The following MED12L variants were observed in gnomAD, a reference collection of about 807,000 sequenced individuals.
MED12L encodes mediator of RNA polymerase II transcription subunit 12-like protein.
Under a neutral mutation model 281.3 loss-of-function variants are expected in MED12L, and 60 were observed. That is an observed-to-expected ratio of 0.21 (90% CI 0.17 to 0.26). The LOEUF is 0.26. MED12L is among the 10% of genes least tolerant of loss of function. The probability of loss-of-function intolerance (pLI) is 1.00; values close to 1 mark genes in which losing one functional copy is unlikely to be tolerated. For missense variants in MED12L, 2,146 were observed against 2,680.9 expected, an observed-to-expected ratio of 0.80 and a Z score of 4.41; for synonymous variants, 974 against 987.2, an observed-to-expected ratio of 0.99 and a Z score of 0.25.
At chr3:151,116,064 C>CAAAAAAA (rs59017489) in intron 2 of MED12L, among the ~76,000 whole-genome samples, 1 of 92,268 alleles carries the variant, frequency 1.1e-5, no homozygotes, top group Non-Finnish European at 2.1e-5. Context: ...ACTCCATCTC[C>CAAAAAAA]AAAAAAAAAA....
At chr3:151,163,844 TG>T in intron 8 of MED12L, 48 bp from the exon 9 acceptor site, 9 of 1,577,906 alleles carry the variant, frequency 5.7e-6, no homozygotes, top group Admixed American at 5.2e-5. Flanking sequence ...GCTATTGTTA[TG>T]CTTTTCTCCT....
At chr3:151,374,349 AC>A (rs199922730) in intron 27 of MED12L, among the ~76,000 whole-genome samples, 2,570 of 152,244 alleles carry the variant, frequency 0.017, 157 homozygotes, top group East Asian at 0.13. Context: ...GGAGTTTGAG[AC>A]CAGCCTGGCC....
chr3:151,107,087 C>T, intron 2 of MED12L, among the ~76,000 whole-genome samples: 1 of 110,270 alleles, frequency 9.1e-6, no homozygotes, highest in Non-Finnish European at 1.7e-5. Flanking sequence ...TTTCTGTGTC[C>T]CCAGCTTTTT....
chr3:151,298,476 A>G (rs551926407), intron 16 of MED12L, among the ~76,000 whole-genome samples: 1 of 152,206 alleles, frequency 6.6e-6, no homozygotes, highest in African/African-American at 2.4e-5. Context: ...CTTGTTTACT[A>G]GGGTGGTATT....
In MED12L at chr3:151,411,482, C is replaced by T. The variant is rs533575012; in HGVS notation, c.6115C>T (p.Leu2039=). The T allele has an allele frequency of 1.6e-5, 26 of 1,614,202 alleles. No individual in the cohort carries two copies. The highest frequency in any genetic ancestry group is 1.6e-4 in the Middle Eastern group (1 of 6,062). The change falls in exon 41 of 45, where the codon CTG becomes TTG. Residue 2039 remains leucine (L), a synonymous_variant. Coordinates refer to ENST00000687756, the MANE Select transcript of MED12L (RefSeq NM_001393769.1). ...TGTTCAGCAGCAGGCCTCGCCGTAC[C>T]TGCAGCCCCTGACTGGCTCTCAGAG... ...GYVQQQASPY[L]QPLTGSQRLN...
intron 16 of MED12L, among the ~76,000 whole-genome samples, chr3:151,268,888 G>A (rs1042752651): frequency 3.3e-5 from 5 of 152,278 alleles, no homozygotes; most frequent in African/African-American, 1.2e-4. Context: ...GTTGGTTTTA[G>A]TATGCAAAAT....
At chr3:151,254,892 CTG>C (rs1369819478) in intron 16 of MED12L, among the ~76,000 whole-genome samples, 8 of 152,188 alleles carry the variant, frequency 5.3e-5, no homozygotes, top group African/African-American at 1.9e-4. Context: ...ACTTCCAAAA[CTG>C]TGTTTTTCAT....
In MED12L at chr3:151,206,552, G is replaced by A. The variant is rs142261903; in HGVS notation, c.2250+12886G>A. 2.1e-3 allele frequency among the ~76,000 whole-genome samples: 307 copies of A among 143,784 alleles called. 2 individuals carry two copies. The highest frequency in any genetic ancestry group is 7.9e-3 in the African/African-American group (303 of 38,558). 94.3% of individuals were successfully genotyped at this position (143,784 alleles called of 152,430 possible). ...ATAAAGAACTTTTAAAGATTATCTC[G>A]TTTCTTTTTAGTCACTGAATTTCAT... On this transcript the variant is annotated intron_variant, in intron 16 of 44. Transcript: ENST00000687756.
rs1336775562 is a variant in MED12L at position 151,167,082 on chromosome 3, T to TA, written c.1494+1107dup. ...GTTGATTTAAATCTTAATCACATCTTAAAAAAATCTTTTTAGCAACAACTA... is the reference window on the plus strand; with the variant it reads ...GTTGATTTAAATCTTAATCACATCTTAAAAAAAATCTTTTTAGCAACAACTA... On this transcript the variant is annotated intron_variant, in intron 11 of 44. Coordinates refer to ENST00000687756, the MANE Select transcript of MED12L (RefSeq NM_001393769.1). 3.3e-5 allele frequency among the ~76,000 whole-genome samples: 5 copies of TA among 152,292 alleles called. No homozygotes were observed. In the East Asian group the frequency reaches 5.8e-4, roughly 18 times the overall value.
chr3:151,205,566 A>G (rs1057047471), intron 16 of MED12L, among the ~76,000 whole-genome samples: 4 of 152,194 alleles, frequency 2.6e-5, no homozygotes, highest in African/African-American at 9.7e-5. Flanking sequence ...CTAATGAGGA[A>G]GGGGAAAGCA....
chr3:151,358,570 T>G (rs1754219784), intron 20 of MED12L, among the ~76,000 whole-genome samples: 1 of 149,810 alleles, frequency 6.7e-6, no homozygotes, highest in Admixed American at 6.7e-5. Context: ...AGTTTTTTTG[T>G]TTTTGTTTTT....
At chr3:151,390,625 T>C (rs1376625526) in intron 38 of MED12L, among the ~76,000 whole-genome samples, 1 of 152,210 alleles carries the variant, frequency 6.6e-6, no homozygotes, top group Non-Finnish European at 1.5e-5. Context: ...AGATTTCTCG[T>C]CCCAAATGAA....
intron 16 of MED12L, among the ~76,000 whole-genome samples, chr3:151,336,330 G>A (rs1228484305): frequency 6.6e-6 from 1 of 152,168 alleles, no homozygotes; most frequent in Non-Finnish European, 1.5e-5. Context: ...TGGTGCCGGA[G>A]AAAGAAATGT....
chr3:151,382,694 C>T lies in MED12L; in HGVS notation c.4629C>T (p.Asp1543=), dbSNP rs745648731. 7 of 1,612,084 alleles carry T rather than the reference C, an allele frequency of 4.3e-6. No individual in the cohort carries two copies. Among genetic ancestry groups the T allele is most frequent in the Non-Finnish European group, 5.9e-6 (7 of 1,179,130 alleles). The change falls in exon 33 of 45, where the codon GAC becomes GAT. Residue 1543 remains aspartate, a synonymous_variant. Coordinates refer to ENST00000687756, the MANE Select transcript of MED12L (RefSeq NM_001393769.1). ...GGAGAGAAGAACGATACCAAGATGA[C>T]ATAAAAGCGCGGCAGATGATGCACG... The part of the protein sequence containing the change: ...SNWREERYQD[D]IKARQMMHEA...
At chr3:151,191,005 G>A (rs1723904736) in intron 14 of MED12L, 74 bp downstream of exon 14, 1 of 1,328,712 alleles carries the variant, frequency 7.5e-7, no homozygotes. Context: ...AATGGGTCAT[G>A]TAGTGGTAGA....
chr3:151,209,686 T>G (rs1726862958), intron 16 of MED12L, among the ~76,000 whole-genome samples: 1 of 152,168 alleles, frequency 6.6e-6, no homozygotes, highest in South Asian at 2.1e-4. Flanking sequence ...AGATGTTTTT[T>G]GTATTTATTG....
chr3:151,242,138 C>T (rs898972767), intron 16 of MED12L, among the ~76,000 whole-genome samples: 5 of 152,186 alleles, frequency 3.3e-5, no homozygotes, highest in African/African-American at 4.8e-5. Flanking sequence ...CATGGAGTCT[C>T]GCTGATTGCT....
intron 11 of MED12L, among the ~76,000 whole-genome samples, chr3:151,182,478 G>A (rs1722820914): frequency 6.6e-6 from 1 of 152,164 alleles, no homozygotes; most frequent in African/African-American, 2.4e-5. Context: ...ATAGCATGAC[G>A]TTTGCAAGGG....
intron 16 of MED12L, among the ~76,000 whole-genome samples, chr3:151,237,452 C>T (rs1254988131): frequency 4.3e-5 from 6 of 139,358 alleles, no homozygotes; most frequent in South Asian, 2.4e-4. Flanking sequence ...TGGGTTCAAG[C>T]GATTCTCCTG....
Sources: gnomAD v4.1 joint callset for allele counts (sites outside exome capture counted in the v4.1 genomes callset) on GRCh38, gnomAD v4.1.1 for gene constraint, MANE v1.5 for transcripts, NCBI Gene and HGNC (gene_info 2026-07-23, HGNC 2026-07-21) for gene names.